Variants in NPFFR2 observed in about 807,000 individuals in gnomAD.
NPFFR2 encodes neuropeptide FF receptor 2.
In NPFFR2, 15 loss-of-function variants were observed where a neutral mutation model predicts 13.1. That is an observed-to-expected ratio of 1.15 (90% confidence interval 0.77 to 1.76). NPFFR2 has a LOEUF of 1.76. Among genes scored for constraint, NPFFR2 ranks in the 40% most tolerant of loss-of-function variants. The pLI is 0.00. For synonymous variants in NPFFR2, 190 were observed against 175.7 expected (o/e 1.08, Z -0.65); for missense variants, 572 against 503.5 (o/e 1.14, Z -1.30).
intron 1 of NPFFR2, chr4:72,068,833 T>C (rs1320242268): frequency 8.2e-6 from 3 of 365,454 alleles, no homozygotes; most frequent in East Asian, 8.1e-5. Flanking sequence ...TGCCTGAGGT[T>C]CTTAGTTTTT....
intron 1 of NPFFR2, among the ~76,000 whole-genome samples, chr4:72,068,700 A>C (rs568165391): frequency 6.6e-6 from 1 of 152,344 alleles, no homozygotes; most frequent in African/African-American, 2.4e-5. Flanking sequence ...AAAATTATAT[A>C]GATCAATTTC....
chr4:72,148,251 C>T lies in NPFFR2; in HGVS notation c.*439C>T, dbSNP rs1230544020. On this transcript the variant is annotated 3_prime_UTR_variant, in exon 4 of 4. Transcript: ENST00000308744. ...TTTAGATTACAAGACTATTACTCTG[C>T]TTATGTTTATAAACTGTACTTGGTT... Among the ~76,000 whole-genome samples the T allele has an allele frequency of 6.6e-6, 1 of 152,170 alleles. No individual in the cohort carries two copies. The highest frequency in any genetic ancestry group is 2.4e-5 in the African/African-American group (1 of 41,442).
At chr4:72,137,574 A>G (rs1179139121) in intron 2 of NPFFR2, among the ~76,000 whole-genome samples, 2 of 152,124 alleles carry the variant, frequency 1.3e-5, no homozygotes, top group Non-Finnish European at 2.9e-5. Flanking sequence ...GCCTTTCCAA[A>G]CTAGAAAACC....
At chr4:72,075,778 TGG>T (rs1255183517) in intron 1 of NPFFR2, among the ~76,000 whole-genome samples, 1 of 151,940 alleles carries the variant, frequency 6.6e-6, no homozygotes, top group Non-Finnish European at 1.5e-5. Flanking sequence ...GAGAAAGGAA[TGG>T]GGAGTAATTG....
At chr4:72,099,331 A>G (rs1721162779) in intron 1 of NPFFR2, among the ~76,000 whole-genome samples, 1 of 152,170 alleles carries the variant, frequency 6.6e-6, no homozygotes, top group Non-Finnish European at 1.5e-5. Context: ...GAAGTTTACC[A>G]TTATTTTACC....
At chr4:72,140,040 A>G (rs1340891186) in intron 3 of NPFFR2, among the ~76,000 whole-genome samples, 1 of 152,154 alleles carries the variant, frequency 6.6e-6, no homozygotes, top group Non-Finnish European at 1.5e-5. Context: ...GAGTTCACTC[A>G]TGATTTGGCT....
chr4:72,055,351 A>C (rs1360191348), intron 1 of NPFFR2, among the ~76,000 whole-genome samples: 1 of 151,918 alleles, frequency 6.6e-6, no homozygotes, highest in Non-Finnish European at 1.5e-5. Context: ...CTGTAATGCT[A>C]TTATTGTAAT....
At chr4:72,059,412 C>T (rs986216953) in intron 1 of NPFFR2, among the ~76,000 whole-genome samples, 1 of 152,046 alleles carries the variant, frequency 6.6e-6, no homozygotes, top group Non-Finnish European at 1.5e-5. Flanking sequence ...AGCTGCACAC[C>T]AGATTCTAGG....
At chr4:72,051,599 G>C (rs1417388588) in intron 1 of NPFFR2, among the ~76,000 whole-genome samples, 1 of 150,786 alleles carries the variant, frequency 6.6e-6, no homozygotes, top group Non-Finnish European at 1.5e-5. Context: ...AGAAGCAAGA[G>C]CAAACACATT....
chr4:72,109,946 A>G (rs1281482011), intron 1 of NPFFR2, among the ~76,000 whole-genome samples: 1 of 151,932 alleles, frequency 6.6e-6, no homozygotes, highest in Non-Finnish European at 1.5e-5. Flanking sequence ...CTTCATGGGG[A>G]GCAATTCGCA....
At chr4:72,094,176 A>G (rs1720989161) in intron 1 of NPFFR2, among the ~76,000 whole-genome samples, 1 of 152,036 alleles carries the variant, frequency 6.6e-6, no homozygotes, top group African/African-American at 2.4e-5. Context: ...GAGTCTTGTG[A>G]TGTGATTTGT....
intron 1 of NPFFR2, among the ~76,000 whole-genome samples, chr4:72,098,518 T>C (rs1721135737): frequency 6.6e-6 from 1 of 152,046 alleles, no homozygotes; most frequent in Admixed American, 6.6e-5. Context: ...AGTGTTAGTG[T>C]AGTTTATGTG....
chr4:72,110,280 C>T (rs1408850048), intron 1 of NPFFR2, among the ~76,000 whole-genome samples: 2 of 151,896 alleles, frequency 1.3e-5, no homozygotes, highest in African/African-American at 4.8e-5. Flanking sequence ...TGTTTGCTTC[C>T]CCTTTTGCGA....
intron 1 of NPFFR2, among the ~76,000 whole-genome samples, chr4:72,035,157 C>T (rs902305348): frequency 6.6e-6 from 1 of 152,244 alleles, no homozygotes; most frequent in African/African-American, 2.4e-5. Flanking sequence ...TTGAGAGCTT[C>T]TGCCCTTAGG....
intron 1 of NPFFR2, among the ~76,000 whole-genome samples, chr4:72,112,702 A>T (rs1457779859): frequency 6.6e-6 from 1 of 151,938 alleles, no homozygotes; most frequent in East Asian, 1.9e-4. Flanking sequence ...TATGTCTCAT[A>T]TGTCTCACAA....
chr4:72,089,822 T>C, intron 1 of NPFFR2, among the ~76,000 whole-genome samples: 1 of 152,124 alleles, frequency 6.6e-6, no homozygotes, highest in East Asian at 1.9e-4. Flanking sequence ...TTTTTTACTT[T>C]AATTAAGTCC....
At chr4:72,076,277 A>G (rs1720434949) in intron 1 of NPFFR2, among the ~76,000 whole-genome samples, 1 of 152,058 alleles carries the variant, frequency 6.6e-6, no homozygotes, top group Non-Finnish European at 1.5e-5. Flanking sequence ...TAATATGGAA[A>G]TATAGATGGG....
intron 1 of NPFFR2, among the ~76,000 whole-genome samples, chr4:72,110,073 C>T (rs1354619311): frequency 6.6e-6 from 1 of 151,902 alleles, no homozygotes; most frequent in Non-Finnish European, 1.5e-5. Context: ...TCACCTAAAT[C>T]TCATCTTGAG....
chr4:72,094,667 T>G (rs1462283483), intron 1 of NPFFR2, among the ~76,000 whole-genome samples: 1 of 152,166 alleles, frequency 6.6e-6, no homozygotes. Flanking sequence ...AAGGCTGATC[T>G]CACTCCCTCT....
Sources: gnomAD v4.1 joint callset for allele counts (sites outside exome capture counted in the v4.1 genomes callset) on GRCh38, gnomAD v4.1.1 for gene constraint, MANE v1.5 for transcripts, NCBI Gene and HGNC (gene_info 2026-07-23, HGNC 2026-07-21) for gene names.